Variants in GAS2L1 observed in about 807,000 individuals in gnomAD.
The protein encoded by GAS2L1 is GAS2-like protein 1.
In GAS2L1, 26 loss-of-function variants were observed where a neutral mutation model predicts 44.0. That is an observed-to-expected ratio of 0.59 (90% CI 0.43 to 0.82). The LOEUF (loss-of-function observed/expected upper bound fraction) is 0.82, where lower values mean the gene tolerates loss of function less well. GAS2L1 is among the 40% of genes least tolerant of loss of function. The pLI, the probability that GAS2L1 is intolerant of heterozygous loss-of-function variation, is 0.00. For missense variants in GAS2L1, 1,006 were observed against 983.0 expected, an observed-to-expected ratio of 1.02 and a Z score of -0.31; for synonymous variants, 426 against 415.9, an observed-to-expected ratio of 1.02 and a Z score of -0.30.
exon 1 of GAS2L1, chr22:29,307,846 A>G (rs778750554): frequency 7.8e-5 from 27 of 347,352 alleles, no homozygotes; most frequent in Middle Eastern, 7.4e-4. Flanking sequence ...AAAGCCACAC[A>G]GCAAACACTT....
At chr22:29,308,699 C>A in exon 1 of GAS2L1, 1 of 1,501,758 alleles carries the variant, frequency 6.7e-7, no homozygotes, top group Non-Finnish European at 8.9e-7. Context: ...CCCGCGGCCC[C>A]CGCATGACAC....
chr22:29,308,607 C>A (rs148265669), exon 1 of GAS2L1: 26 of 1,595,010 alleles, frequency 1.6e-5, no homozygotes, highest in Non-Finnish European at 2.1e-5. Context: ...TGAGCGGGAG[C>A]TGCGTGCTGC....
In GAS2L1 at chr22:29,312,155, G is replaced by A. The variant is rs756856246; in HGVS notation, c.1704G>A (p.Ser568=). The A allele has an allele frequency of 8.7e-6, 14 of 1,612,814 alleles. No individual in the cohort carries two copies. In the Admixed American group the frequency reaches 1.0e-4, roughly 12 times the overall value. The change falls in exon 5 of 5, where the codon TCG becomes TCA. Residue 568 remains serine, a synonymous_variant. Coordinates refer to ENST00000618518, the Ensembl canonical transcript of GAS2L1. ...ATTGTTCCTCCAGTTCCTCCTCTTC[G>A]TCCCTCAGCGTCCTGGGTGGCAAAT...
At chr22:29,308,412 G>A (rs934316495) in exon 1 of GAS2L1, 3 of 1,608,402 alleles carry the variant, frequency 1.9e-6, no homozygotes, top group African/African-American at 2.7e-5. Flanking sequence ...GCGCGACAAC[G>A]TGGCCACCTT....
chr22:29,311,093 C>T (rs2061400456), intron 4 of GAS2L1, 95 bp downstream of exon 5: 4 of 1,250,220 alleles, frequency 3.2e-6, no homozygotes, highest in Non-Finnish European at 4.4e-6. Context: ...CAGAGTGACT[C>T]ACACCCTGGG....
At position 29,310,427 on chromosome 22, in the gene GAS2L1, C is replaced by A. The variant is rs373730138; in HGVS notation, c.634-12C>A. The A allele has an allele frequency of 6.7e-7, 1 of 1,497,354 alleles. No individual in the cohort carries two copies. Among genetic ancestry groups the A allele is most frequent in the African/African-American group, 1.4e-5 (1 of 72,702 alleles). 92.8% of individuals were successfully genotyped at this position (1,497,354 alleles called of 1,614,324 possible). A position where few individuals can be genotyped will look rare whatever the true frequency, so the allele number is the denominator to read the frequency against. On this transcript the variant is annotated splice_polypyrimidine_tract_variant and intron_variant, in intron 1 of 4. Coordinates refer to ENST00000618518, the Ensembl canonical transcript of GAS2L1. ...TTGACCTCTGACCCCTACCCTCTCT[C>A]TCTGGCCTCAGGTGAGGGAGATTCT...
intron 1 of GAS2L1, among the ~76,000 whole-genome samples, chr22:29,309,485 G>A (rs2061381731): frequency 6.6e-6 from 1 of 152,236 alleles, no homozygotes; most frequent in Non-Finnish European, 1.5e-5. Context: ...GGATGGCAGT[G>A]GGCAGAGCCT....
chr22:29,312,402 CG>C lies in GAS2L1; in HGVS notation c.1955del (p.Gly652AlafsTer50). The C allele has an allele frequency of 6.4e-7, 1 of 1,572,910 alleles. No homozygotes were observed. Among genetic ancestry groups the C allele is most frequent in the Non-Finnish European group, 8.6e-7 (1 of 1,156,080 alleles). On this transcript the variant is annotated frameshift_variant, in exon 5 of 5. Transcript: ENST00000618518. LOFTEE classifies it high-confidence loss of function. The stretch of plus-strand genomic sequence containing the variant: ...TAAACCCTCACGTATCCCCACGCCT[CG>C]GGGCCCCCGCCGCCCCTCCGGACCC...
At chr22:29,310,596 CG>C (rs761888241) in intron 2 of GAS2L1, 41 bp from the exon 4 acceptor site, 4 of 1,579,936 alleles carry the variant, frequency 2.5e-6, no homozygotes, top group Non-Finnish European at 3.5e-6. Context: ...TGGTGGGCTG[CG>C]GGGCGCCCGG....
At chr22:29,307,909 A>C in exon 1 of GAS2L1, 4 of 423,658 alleles carry the variant, frequency 9.4e-6, no homozygotes, top group Non-Finnish European at 1.2e-5. Flanking sequence ...GAGGCAGGGA[A>C]TGTTACTGTA....
chr22:29,311,794 G>C, exon 5 of GAS2L1: 1 of 1,575,484 alleles, frequency 6.3e-7, no homozygotes, highest in Non-Finnish European at 8.6e-7. Context: ...CTGCTTGTGC[G>C]CAGGGATCGA....
At chr22:29,308,611 G>A in exon 1 of GAS2L1, 2 of 1,593,350 alleles carry the variant, frequency 1.3e-6, no homozygotes, top group Non-Finnish European at 1.7e-6. Flanking sequence ...CGGGAGCTGC[G>A]TGCTGCACCC....
At chr22:29,311,775 C>G (rs776228782) in exon 5 of GAS2L1, 14 of 1,553,314 alleles carry the variant, frequency 9.0e-6, no homozygotes, top group Non-Finnish European at 1.2e-5. Context: ...CCGCGAGGAG[C>G]AGGCTGTGCT....
exon 5 of GAS2L1, chr22:29,311,484 C>T (rs1262285573): frequency 2.7e-6 from 4 of 1,468,634 alleles, no homozygotes; most frequent in African/African-American, 1.4e-5. Flanking sequence ...GCTGCCCCCC[C>T]ATCCCCGCTC....
chr22:29,309,212 G>A (rs2147897282), intron 1 of GAS2L1, among the ~76,000 whole-genome samples: 1 of 152,334 alleles, frequency 6.6e-6, no homozygotes, highest in South Asian at 2.1e-4. Flanking sequence ...CACAGTAGGT[G>A]CCCCAGGGGG....
chr22:29,310,266 A>T (rs1403056774), intron 1 of GAS2L1, 173 bp from the exon 3 acceptor site: 39 of 386,898 alleles, frequency 1.0e-4, no homozygotes, highest in Admixed American at 2.1e-4. Flanking sequence ...AATAAAAAAA[A>T]ATAAAAAAAA....
exon 5 of GAS2L1, chr22:29,312,067 C>T (rs1416301663): frequency 6.2e-7 from 1 of 1,612,668 alleles, no homozygotes. Flanking sequence ...GCTAGCGTGA[C>T]CCCCACTGGA....
exon 1 of GAS2L1, chr22:29,308,712 AGCGACCTGC>A: frequency 2.0e-6 from 3 of 1,499,398 alleles, no homozygotes; most frequent in Non-Finnish European, 2.7e-6. Flanking sequence ...CATGACACCC[AGCGACCTGC>A]GCAACCTCGA....
chr22:29,310,955 G>T lies in GAS2L1; in HGVS notation c.967G>T (p.Val323Phe), dbSNP rs776157308. 6.2e-7 allele frequency: 1 copy of T among 1,613,508 alleles called. No homozygotes were observed. Among genetic ancestry groups the T allele is most frequent in the African/African-American group, 1.3e-5 (1 of 74,948 alleles). Residue 323 changes from valine (V) to phenylalanine (F), a missense_variant, in exon 4 of 5, where the codon GTT becomes TTT. Coordinates refer to ENST00000618518, the Ensembl canonical transcript of GAS2L1. ...GGGCTCCCGGCCTGAGATGACTCCC[G>T]TTAGCTTACGAAGCACAAAGGAGGG... is the stretch of plus-strand genomic sequence containing the variant.
Sources: gnomAD v4.1 joint callset for allele counts (sites outside exome capture counted in the v4.1 genomes callset) on GRCh38, gnomAD v4.1.1 for gene constraint, MANE v1.5 for transcripts, NCBI Gene and HGNC (gene_info 2026-07-23, HGNC 2026-07-21) for gene names.